PCSK5: variants seen among roughly 807,000 people sequenced by gnomAD.
PCSK5 encodes prohormone convertase 5.
A neutral mutation model predicts 233.2 loss-of-function variants in PCSK5; 129 were observed. That is an observed-to-expected ratio of 0.55 (90% CI 0.48 to 0.64). The LOEUF (loss-of-function observed/expected upper bound fraction) is 0.64, where lower values mean the gene tolerates loss of function less well. Ranked by LOEUF, PCSK5 falls within the 30% of genes least tolerant of loss-of-function variation. The probability of loss-of-function intolerance (pLI) is 0.00; values close to 1 mark genes in which losing one functional copy is unlikely to be tolerated. For missense variants in PCSK5, 2,076 were observed against 2,430.1 expected, an observed-to-expected ratio of 0.85 and a Z score of 3.06; for synonymous variants, 825 against 879.2, an observed-to-expected ratio of 0.94 and a Z score of 1.09.
intron 30 of PCSK5, among the ~76,000 whole-genome samples, chr9:76,312,877 G>A (rs1158080731): frequency 6.6e-6 from 1 of 152,178 alleles, no homozygotes; most frequent in African/African-American, 2.4e-5. Context: ...ACTCCAGGAA[G>A]TCCAAGTCTG....
chr9:76,280,577 A>G (rs1827833334), intron 24 of PCSK5, among the ~76,000 whole-genome samples: 1 of 152,028 alleles, frequency 6.6e-6, no homozygotes, highest in African/African-American at 2.4e-5. Context: ...ACCCGTCTCT[A>G]CTAAAAGTAC....
intron 22 of PCSK5, among the ~76,000 whole-genome samples, chr9:76,237,254 A>T (rs1191783912): frequency 2.0e-5 from 3 of 152,180 alleles, no homozygotes; most frequent in African/African-American, 7.2e-5. Context: ...ATAGCTATAG[A>T]ATCACCAAAT....
intron 12 of PCSK5, among the ~76,000 whole-genome samples, chr9:76,164,940 C>CAA (rs35432278): frequency 3.2e-4 from 45 of 141,524 alleles, no homozygotes; most frequent in Admixed American, 5.6e-4. Context: ...GGTTTTTTAC[C>CAA]AAAAAAAAAA....
chr9:75,969,072 G>A (rs546809848), intron 2 of PCSK5, among the ~76,000 whole-genome samples: 12 of 152,216 alleles, frequency 7.9e-5, no homozygotes, highest in African/African-American at 2.6e-4. Context: ...CACAGCTGAG[G>A]ATGGTTCTCG....
intron 24 of PCSK5, chr9:76,287,272 C>A: frequency 4.4e-6 from 1 of 227,218 alleles, no homozygotes. Flanking sequence ...CCAGAAGGAG[C>A]AAATGTGGGG....
At chr9:76,012,433 A>C (rs759624557) in intron 3 of PCSK5, among the ~76,000 whole-genome samples, 1 of 152,228 alleles carries the variant, frequency 6.6e-6, no homozygotes, top group Non-Finnish European at 1.5e-5. Context: ...GGAGGCCCCA[A>C]GTGAAAACCA....
At chr9:76,119,957 C>A (rs1258102312) in intron 9 of PCSK5, among the ~76,000 whole-genome samples, 9 of 152,030 alleles carry the variant, frequency 5.9e-5, no homozygotes, top group Non-Finnish European at 1.2e-4. Context: ...CCATCACCAC[C>A]CTTCCCAGCC....
At chr9:76,322,196 G>A (rs1807179) in intron 31 of PCSK5, among the ~76,000 whole-genome samples, 52,543 of 151,932 alleles carry the variant, frequency 0.35, 9,507 homozygotes, top group African/African-American at 0.43. Context: ...GTGATCCACC[G>A]TCCTCAGCCT....
At chr9:76,079,348 G>T (rs976560813) in intron 7 of PCSK5, among the ~76,000 whole-genome samples, 2 of 151,876 alleles carry the variant, frequency 1.3e-5, no homozygotes, top group African/African-American at 4.8e-5. Context: ...CATGTTGGCC[G>T]GGTTGGTCTC....
At chr9:75,978,835 T>C (rs2131378073) in intron 2 of PCSK5, among the ~76,000 whole-genome samples, 1 of 151,500 alleles carries the variant, frequency 6.6e-6, no homozygotes, top group African/African-American at 2.4e-5. Context: ...GATGGTGCAC[T>C]AAGTTGAATT....
chr9:76,157,435 T>C (rs1822637649), intron 11 of PCSK5, among the ~76,000 whole-genome samples: 1 of 152,100 alleles, frequency 6.6e-6, no homozygotes, highest in Admixed American at 6.5e-5. Flanking sequence ...ACTGTCGATA[T>C]TTCTATTTGA....
Position 76,358,833 on chromosome 9 carries a change from G to A in PCSK5, c.5575G>A (p.Val1859Ile). ...CGTCTACATGGGCCAGGATGGCACA[G>A]TCTACCGGAAATTTAAATATGGGCT... ...DIVYMGQDGT[V>I]YRKFKYGLLD... Residue 1859 changes from valine (V) to isoleucine (I), a missense_variant, in exon 38 of 38, where the codon GTC becomes ATC. Around this residue, in one of 6 missense-constraint regions of PCSK5, gnomAD observed 1,510 missense variants for 1,538.1 expected, o/e 0.98. Coordinates refer to ENST00000674117, the MANE Select transcript of PCSK5 (RefSeq NM_001372043.1). 6.2e-7 allele frequency: 1 copy of A among 1,612,908 alleles called. No individual in the cohort carries two copies. Among genetic ancestry groups the A allele is most frequent in the African/African-American group, 1.3e-5 (1 of 75,060 alleles).
chr9:75,900,711 T>C (rs1355513072), intron 1 of PCSK5, among the ~76,000 whole-genome samples: 2 of 149,550 alleles, frequency 1.3e-5, no homozygotes, highest in Non-Finnish European at 3.0e-5. Context: ...ACTTTTTTTT[T>C]TTTTTTTACC....
intron 7 of PCSK5, among the ~76,000 whole-genome samples, chr9:76,072,721 T>C (rs2131604954): frequency 6.6e-6 from 1 of 152,246 alleles, no homozygotes; most frequent in African/African-American, 2.4e-5. Flanking sequence ...TCCACTCCTA[T>C]CCATCAGCAC....
At chr9:76,055,549 CA>C (rs1285390009) in intron 5 of PCSK5, among the ~76,000 whole-genome samples, 1 of 151,810 alleles carries the variant, frequency 6.6e-6, no homozygotes, top group Non-Finnish European at 1.5e-5. Context: ...TTGAAAAATA[CA>C]ACTTAATTTT....
chr9:76,252,108 A>G (rs1826828453), intron 24 of PCSK5, among the ~76,000 whole-genome samples: 1 of 152,078 alleles, frequency 6.6e-6, no homozygotes, highest in Non-Finnish European at 1.5e-5. Context: ...TCTACTAAAA[A>G]TACAAAAACT....
chr9:76,357,543 T>A (rs1035490514), intron 37 of PCSK5, among the ~76,000 whole-genome samples: 3 of 152,144 alleles, frequency 2.0e-5, no homozygotes, highest in African/African-American at 7.2e-5. Context: ...TTAATAATGA[T>A]AGAAAAAAAT....
intron 29 of PCSK5, among the ~76,000 whole-genome samples, chr9:76,310,026 T>C (rs1024851663): frequency 4.6e-5 from 7 of 152,048 alleles, no homozygotes; most frequent in African/African-American, 1.7e-4. Context: ...AGCGGGCAGA[T>C]TACCTGAGGT....
intron 20 of PCSK5, among the ~76,000 whole-genome samples, chr9:76,225,374 C>T (rs1018540759): frequency 4.6e-4 from 70 of 152,274 alleles, no homozygotes; most frequent in African/African-American, 1.6e-3. Context: ...CTCTAGAATA[C>T]GATTTTTGTG....
Sources: gnomAD v4.1 joint callset for allele counts (sites outside exome capture counted in the v4.1 genomes callset) on GRCh38, gnomAD v4.1.1 for gene constraint, gnomAD v4.1.1 regional missense constraint, MANE v1.5 for transcripts, NCBI Gene and HGNC (gene_info 2026-07-23, HGNC 2026-07-21) for gene names.